The following SGCZ variants were observed in gnomAD, a reference collection of about 807,000 sequenced individuals.
SGCZ encodes the protein zeta-sarcoglycan.
A neutral mutation model predicts 41.3 loss-of-function variants in SGCZ; 40 were observed. The observed-to-expected ratio is 0.97, with a 90% CI of 0.75 to 1.26. The LOEUF (loss-of-function observed/expected upper bound fraction) is 1.26. Ranked by LOEUF, SGCZ falls within the 50% of genes most tolerant of loss-of-function variation. SGCZ has a pLI of 0.00. For missense variants in SGCZ, 552 were observed against 369.8 expected (o/e 1.49, Z -4.04); for synonymous variants, 206 against 137.5 (o/e 1.50, Z -3.49).
chr8:14,203,286 T>G lies in SGCZ; in HGVS notation c.424+34306A>C, dbSNP rs547031513. 1.8e-4 allele frequency among the ~76,000 whole-genome samples: 27 copies of G among 152,336 alleles called. No homozygotes were observed. The East Asian group carries it at 5.0e-3, about 28-fold the overall frequency. ...GATGCTATTTGAATATTAAACAAAT[T>G]GGTAAGTGCTGTTAAGACGAGAAGA... On this transcript the variant is annotated intron_variant, in intron 4 of 7. Transcript: ENST00000382080.
intron 7 of SGCZ, among the ~76,000 whole-genome samples, chr8:14,092,414 G>A (rs1339545730): frequency 6.6e-6 from 1 of 151,964 alleles, no homozygotes; most frequent in Non-Finnish European, 1.5e-5. Flanking sequence ...TGGGCAGTAT[G>A]GCCATTTTCA....
chr8:15,155,657 A>T (rs1799308214), intron 1 of SGCZ, among the ~76,000 whole-genome samples: 1 of 152,222 alleles, frequency 6.6e-6, no homozygotes, highest in African/African-American at 2.4e-5. Context: ...TGACATGAAG[A>T]ACGCCTATTA....
At chr8:15,217,342 G>T (rs894994518) in intron 1 of SGCZ, among the ~76,000 whole-genome samples, 1 of 151,148 alleles carries the variant, frequency 6.6e-6, no homozygotes, top group South Asian at 2.1e-4. Flanking sequence ...GCGTGAACCC[G>T]GGAGGCGGAG....
chr8:14,742,665 A>C (rs1487512882), intron 1 of SGCZ, among the ~76,000 whole-genome samples: 1 of 152,074 alleles, frequency 6.6e-6, no homozygotes, highest in African/African-American at 2.4e-5. Flanking sequence ...AAATTATAGT[A>C]CATAAATTTC....
chr8:14,711,643 G>GAA (rs1359403200), intron 1 of SGCZ, among the ~76,000 whole-genome samples: 2 of 146,746 alleles, frequency 1.4e-5, no homozygotes, highest in African/African-American at 5.0e-5. Context: ...CCCTTGTACG[G>GAA]AAAAAAATGC....
intron 1 of SGCZ, among the ~76,000 whole-genome samples, chr8:14,961,052 G>A (rs1276930056): frequency 6.6e-6 from 1 of 151,930 alleles, no homozygotes; most frequent in East Asian, 1.9e-4. Flanking sequence ...CCTTTTATGT[G>A]CTTAGCATTT....
chr8:14,893,226 T>A (rs2130745962), intron 1 of SGCZ, among the ~76,000 whole-genome samples: 2 of 152,106 alleles, frequency 1.3e-5, no homozygotes, highest in Middle Eastern at 6.8e-3. Flanking sequence ...AGATGCTACA[T>A]TGCTCATTTT....
chr8:15,059,677 G>C (rs897038632), intron 1 of SGCZ, among the ~76,000 whole-genome samples: 6 of 152,148 alleles, frequency 3.9e-5, no homozygotes, highest in African/African-American at 1.4e-4. Flanking sequence ...ATATATTTGT[G>C]TCTTTGCTTA....
chr8:14,453,151 C>T (rs566231514), intron 2 of SGCZ, among the ~76,000 whole-genome samples: 28 of 151,916 alleles, frequency 1.8e-4, no homozygotes, highest in Non-Finnish European at 4.0e-4. Flanking sequence ...ATGTTATATA[C>T]ATTATATACA....
chr8:14,751,716 T>G lies in SGCZ; in HGVS notation c.40-196790A>C, dbSNP rs369778323. Among the ~76,000 whole-genome samples the G allele has an allele frequency of 3.9e-5, 6 of 152,142 alleles. No homozygotes were observed. In the East Asian group the frequency reaches 7.8e-4, roughly 20 times the overall value. ...GGTACCTGCCACCATGCCCGGCTAA[T>G]TTTTTGTATTTTTAGTAGAAATGAG... On this transcript the variant is annotated intron_variant, in intron 1 of 7. Coordinates refer to ENST00000382080, the MANE Select transcript of SGCZ (RefSeq NM_139167.4).
chr8:14,731,661 C>T (rs901928077), intron 1 of SGCZ, among the ~76,000 whole-genome samples: 1 of 152,102 alleles, frequency 6.6e-6, no homozygotes, highest in African/African-American at 2.4e-5. Context: ...CTCCTCCTAC[C>T]TTTTCTTCTC....
chr8:14,322,635 T>C (rs1362302443), intron 3 of SGCZ, among the ~76,000 whole-genome samples: 1 of 152,144 alleles, frequency 6.6e-6, no homozygotes, highest in Non-Finnish European at 1.5e-5. Context: ...CGACTACAAA[T>C]GAACCTAAGT....
chr8:14,626,034 T>C (rs1806442912), intron 1 of SGCZ, among the ~76,000 whole-genome samples: 1 of 152,176 alleles, frequency 6.6e-6, no homozygotes, highest in South Asian at 2.1e-4. Context: ...GGCAGACATA[T>C]GAGGAATAGT....
intron 3 of SGCZ, among the ~76,000 whole-genome samples, chr8:14,246,630 G>A (rs1483425682): frequency 2.0e-5 from 3 of 151,564 alleles, no homozygotes; most frequent in Non-Finnish European, 2.9e-5. Flanking sequence ...AGTAAAAGCT[G>A]GGCATGGCGG....
At chr8:14,486,685 G>A (rs565550824) in intron 2 of SGCZ, among the ~76,000 whole-genome samples, 1 of 152,094 alleles carries the variant, frequency 6.6e-6, no homozygotes, top group Non-Finnish European at 1.5e-5. Flanking sequence ...GCAATGCTGC[G>A]CCTCAGCCTT....
rs138966818 is a variant in SGCZ at position 15,150,578 on chromosome 8, C to T, written c.39+87007G>A. Reference sequence around the variant, plus strand: ...AATGAGTATATAAAGCAATTGAAGTCGGTCCCTGTTGATACTTGAACTGAA... The same window carrying T: ...AATGAGTATATAAAGCAATTGAAGTTGGTCCCTGTTGATACTTGAACTGAA... On this transcript the variant is annotated intron_variant, in intron 1 of 7. Transcript: ENST00000382080. Among the ~76,000 whole-genome samples the T allele has an allele frequency of 7.4e-3, 1,128 of 152,216 alleles. 12 individuals carry two copies. The highest frequency in any genetic ancestry group is 0.039 in the South Asian group (190 of 4,828).
intron 2 of SGCZ, among the ~76,000 whole-genome samples, chr8:14,393,241 T>C (rs960277192): frequency 6.6e-6 from 1 of 152,150 alleles, no homozygotes; most frequent in Non-Finnish European, 1.5e-5. Flanking sequence ...GTAAGGCTTT[T>C]CTCTTTAATG....
At chr8:14,250,698 G>A (rs139997470) in intron 3 of SGCZ, among the ~76,000 whole-genome samples, 4 of 152,284 alleles carry the variant, frequency 2.6e-5, no homozygotes, top group Non-Finnish European at 5.9e-5. Flanking sequence ...TGAGATGCCA[G>A]AATCGTTTGT....
chr8:15,084,698 G>T (rs554018199), intron 1 of SGCZ, among the ~76,000 whole-genome samples: 69 of 152,250 alleles, frequency 4.5e-4, no homozygotes, highest in African/African-American at 1.6e-3. Flanking sequence ...GTTGCAGTGA[G>T]CCAAGATCAT....
Sources: allele counts gnomAD v4.1 joint callset (sites outside exome capture counted in the v4.1 genomes callset), GRCh38; gene constraint gnomAD v4.1.1; transcripts MANE v1.5; gene names NCBI Gene and HGNC (gene_info 2026-07-23, HGNC 2026-07-21).